PPP1R9A: variants seen among roughly 807,000 people sequenced by gnomAD.
PPP1R9A encodes neurabin-1.
Under a neutral mutation model 141.9 loss-of-function variants are expected in PPP1R9A, and 59 were observed. That is an observed-to-expected ratio of 0.42 (90% CI 0.34 to 0.52). The LOEUF (loss-of-function observed/expected upper bound fraction) is 0.52. Ranked by LOEUF, PPP1R9A falls within the 20% of genes least tolerant of loss-of-function variation. PPP1R9A has a pLI of 0.10. For synonymous variants in PPP1R9A, 500 were observed against 569.7 expected (o/e 0.88, Z 1.74); for missense variants, 1,444 against 1,611.9 (o/e 0.90, Z 1.78).
At chr7:95,136,634 C>T (rs1054212366) in intron 4 of PPP1R9A, among the ~76,000 whole-genome samples, 3 of 152,070 alleles carry the variant, frequency 2.0e-5, no homozygotes, top group Admixed American at 6.5e-5. Flanking sequence ...TGATGGAGAA[C>T]TCAGCAGGAT....
At chr7:94,983,883 G>A (rs1191794802) in intron 2 of PPP1R9A, among the ~76,000 whole-genome samples, 1 of 152,158 alleles carries the variant, frequency 6.6e-6, no homozygotes, top group African/African-American at 2.4e-5. Context: ...TAGGAGTGGT[G>A]AGAGAGGGCA....
In PPP1R9A at chr7:95,014,159, G is replaced by A. The variant is rs528967958; in HGVS notation, c.1396-97100G>A. The stretch of plus-strand genomic sequence containing the variant: ...TACAGTACTTTTATTTATTTAATCT[G>A]TATCCTTTATTCAAATTAGACCCGT... On this transcript the variant is annotated intron_variant, in intron 2 of 19. Coordinates refer to ENST00000433360, the MANE Select transcript of PPP1R9A (RefSeq NM_001166160.2). Among the ~76,000 whole-genome samples the A allele has an allele frequency of 3.9e-5, 6 of 152,050 alleles. No individual in the cohort carries two copies. The East Asian group carries it at 1.2e-3, about 29-fold the overall frequency.
chr7:94,973,571 G>C (rs936508003), intron 2 of PPP1R9A, among the ~76,000 whole-genome samples: 1 of 152,152 alleles, frequency 6.6e-6, no homozygotes, highest in African/African-American at 2.4e-5. Flanking sequence ...TTTGTAATCA[G>C]AGTAGATAAT....
chr7:95,142,927 C>T (rs1463035722), intron 4 of PPP1R9A, among the ~76,000 whole-genome samples: 3 of 151,956 alleles, frequency 2.0e-5, no homozygotes, highest in Non-Finnish European at 4.4e-5. Flanking sequence ...ATCATTCCTT[C>T]TCTTTTATCC....
intron 2 of PPP1R9A, among the ~76,000 whole-genome samples, chr7:95,054,713 G>T (rs553689507): frequency 6.6e-6 from 1 of 152,102 alleles, no homozygotes; most frequent in East Asian, 1.9e-4. Context: ...TTCTTGACTG[G>T]TCTAGGTTTG....
chr7:94,958,843 C>T (rs1797327309), intron 2 of PPP1R9A, among the ~76,000 whole-genome samples: 2 of 152,008 alleles, frequency 1.3e-5, no homozygotes, highest in South Asian at 4.2e-4. Flanking sequence ...TGTATTAATG[C>T]TTAAATTTCC....
At position 95,290,403 on chromosome 7, in the gene PPP1R9A, G is replaced by A; in HGVS notation, c.*100G>A. ...GGATGAAAAAGAAACTAAATGATAA[G>A]GGTAATGCGGCTCTAGGCCGGCTGA... On this transcript the variant is annotated 3_prime_UTR_variant, in exon 20 of 20. Coordinates refer to ENST00000433360, the MANE Select transcript of PPP1R9A (RefSeq NM_001166160.2). 1 of 1,313,692 alleles carries A rather than the reference G, an allele frequency of 7.6e-7. No homozygotes were observed. The highest frequency in any genetic ancestry group is 1.0e-6 in the Non-Finnish European group (1 of 971,932). The allele number at this position is 1,313,692 out of a possible 1,614,324, so 81.4% of individuals were successfully genotyped here.
At chr7:95,284,841 C>G (rs1415414594) in intron 17 of PPP1R9A, among the ~76,000 whole-genome samples, 1 of 152,234 alleles carries the variant, frequency 6.6e-6, no homozygotes, top group Admixed American at 6.5e-5. Context: ...CAGCATGACA[C>G]TGCAAACCTT....
chr7:94,930,120 G>C (rs1421960424), intron 2 of PPP1R9A, among the ~76,000 whole-genome samples: 1 of 152,134 alleles, frequency 6.6e-6, no homozygotes. Context: ...TTAGAGCCAA[G>C]GCTGTGGATC....
chr7:95,196,043 C>CT (rs1371223530), intron 5 of PPP1R9A, among the ~76,000 whole-genome samples: 1 of 150,512 alleles, frequency 6.6e-6, no homozygotes, highest in African/African-American at 2.5e-5. Flanking sequence ...GAGCAAGACT[C>CT]TGTTTTAAAA....
At chr7:94,986,300 G>T (rs1332856052) in intron 2 of PPP1R9A, among the ~76,000 whole-genome samples, 3 of 152,012 alleles carry the variant, frequency 2.0e-5, no homozygotes, top group African/African-American at 7.2e-5. Flanking sequence ...ATTGTTACAT[G>T]GATTAAAATA....
At chr7:95,140,964 C>G (rs1452458623) in intron 4 of PPP1R9A, among the ~76,000 whole-genome samples, 1 of 152,204 alleles carries the variant, frequency 6.6e-6, no homozygotes, top group Non-Finnish European at 1.5e-5. Context: ...AAGCAATCCG[C>G]CTGCCCTGCC....
intron 16 of PPP1R9A, among the ~76,000 whole-genome samples, chr7:95,282,299 T>C (rs2115587718): frequency 6.6e-6 from 1 of 152,218 alleles, no homozygotes; most frequent in African/African-American, 2.4e-5. Context: ...GCCACTGCAC[T>C]CTAGCCTGGG....
At chr7:94,919,301 A>ATTTTT (rs757456894) in intron 2 of PPP1R9A, among the ~76,000 whole-genome samples, 9 of 106,198 alleles carry the variant, frequency 8.5e-5, no homozygotes, top group Admixed American at 1.1e-4. Context: ...GGATAATTAC[A>ATTTTT]TTTTTTTTTT....
At chr7:95,143,731 C>T (rs190788515) in intron 4 of PPP1R9A, among the ~76,000 whole-genome samples, 2 of 152,240 alleles carry the variant, frequency 1.3e-5, no homozygotes, top group Non-Finnish European at 2.9e-5. Flanking sequence ...GCTGGTACTT[C>T]CTGGGCATTA....
chr7:95,279,960 A>G (rs998703583), intron 16 of PPP1R9A, among the ~76,000 whole-genome samples: 5 of 152,176 alleles, frequency 3.3e-5, no homozygotes, highest in Non-Finnish European at 5.9e-5. Flanking sequence ...GAATAGTTTC[A>G]CCATCTCGAA....
intron 7 of PPP1R9A, among the ~76,000 whole-genome samples, chr7:95,218,797 CT>C (rs903860750): frequency 1.3e-5 from 2 of 151,996 alleles, no homozygotes; most frequent in Non-Finnish European, 2.9e-5. Context: ...CAACCCCTGC[CT>C]TTTTTTGTTT....
At chr7:95,011,684 T>C (rs771926767) in intron 2 of PPP1R9A, among the ~76,000 whole-genome samples, 2 of 152,212 alleles carry the variant, frequency 1.3e-5, no homozygotes, top group Non-Finnish European at 2.9e-5. Context: ...TGACTAAAGA[T>C]TCCAAAAGAG....
chr7:94,929,082 T>C (rs1020013341), intron 2 of PPP1R9A, among the ~76,000 whole-genome samples: 2 of 152,206 alleles, frequency 1.3e-5, no homozygotes, highest in Admixed American at 6.5e-5. Flanking sequence ...TATTAAAATA[T>C]ACATCAGTTT....
Sources: allele counts gnomAD v4.1 joint callset (sites outside exome capture counted in the v4.1 genomes callset), GRCh38; gene constraint gnomAD v4.1.1; transcripts MANE v1.5; gene names NCBI Gene and HGNC (gene_info 2026-07-23, HGNC 2026-07-21).